The following ZDHHC7 variants were observed in gnomAD, a reference collection of about 807,000 sequenced individuals.
ZDHHC7 encodes zDHHC palmitoyltransferase 7, also known as palmitoyltransferase ZDHHC7.
ZDHHC7 carries 12 observed loss-of-function variants against 34.1 expected under a neutral mutation model. The observed-to-expected ratio is 0.35, with a 90% confidence interval of 0.23 to 0.57. ZDHHC7 has a LOEUF of 0.57. Among genes scored for constraint, ZDHHC7 ranks in the 20% least tolerant of loss-of-function variants. ZDHHC7 has a pLI of 0.84. For synonymous variants in ZDHHC7, 185 were observed against 155.4 expected (o/e 1.19, Z -1.42); for missense variants, 388 against 402.7 (o/e 0.96, Z 0.31).
At chr16:84,990,686 T>C in intron 2 of ZDHHC7, 51 bp from the exon 3 acceptor site, 1 of 1,472,438 alleles carries the variant, frequency 6.8e-7, no homozygotes. Flanking sequence ...GCTCACAAGC[T>C]ACCTTAAATA....
chr16:84,988,985 T>G, intron 3 of ZDHHC7: 1 of 1,106,876 alleles, frequency 9.0e-7, no homozygotes, highest in Non-Finnish European at 1.3e-6. Flanking sequence ...GGGTTTCTGC[T>G]GCAGCCAAGG....
At chr16:84,990,835 T>A (rs1164223646) in intron 2 of ZDHHC7, among the ~76,000 whole-genome samples, 200 bp from the exon 3 acceptor site, 4 of 150,026 alleles carry the variant, frequency 2.7e-5, no homozygotes, top group South Asian at 4.3e-4. Flanking sequence ...ACACAGTAAG[T>A]CCCACAGTAC....
intron 3 of ZDHHC7, 194 bp from the exon 4 acceptor site, chr16:84,982,188 AC>A (rs1335116670): frequency 1.9e-6 from 1 of 533,174 alleles, no homozygotes; most frequent in East Asian, 4.5e-5. Flanking sequence ...TACTAAAGAT[AC>A]AAAAAATTAG....
At chr16:84,979,413 T>C (rs528575328) in intron 4 of ZDHHC7, 128 bp from the exon 5 acceptor site, 3 of 1,315,930 alleles carry the variant, frequency 2.3e-6, no homozygotes, top group African/African-American at 1.5e-5. Context: ...AAAAATATCA[T>C]ACATTCTCAC....
At chr16:84,997,846 TGG>T (rs2072600781) in intron 1 of ZDHHC7, among the ~76,000 whole-genome samples, 1 of 125,062 alleles carries the variant, frequency 8.0e-6, no homozygotes, top group African/African-American at 3.1e-5. Flanking sequence ...TGGGCCGAGA[TGG>T]CGCCACTGCA....
intron 1 of ZDHHC7, among the ~76,000 whole-genome samples, chr16:84,998,065 C>CCTAG: frequency 6.7e-6 from 1 of 149,800 alleles, no homozygotes; most frequent in East Asian, 2.0e-4. Context: ...TCGAGACCAA[C>CCTAG]CTAGCTACTA....
chr16:84,990,736 A>G (rs1436335251), intron 2 of ZDHHC7, 101 bp from the exon 3 acceptor site: 3 of 911,394 alleles, frequency 3.3e-6, no homozygotes, highest in Non-Finnish European at 4.9e-6. Context: ...TCATGAAGTT[A>G]GTCTAAATAC....
rs1240801278 is a variant in ZDHHC7, at chr16:84,977,775, A to G, written c.619+149T>C. On this transcript the variant is annotated intron_variant, in intron 6 of 7. Coordinates refer to ENST00000313732, the MANE Select transcript of ZDHHC7 (RefSeq NM_017740.3). ...TATACTAGTAAAATGGTGGTGTTAA[A>G]ACTTAACTAAATTCTTTAAAATTCA... 7.8e-5 allele frequency: 53 copies of G among 676,874 alleles called. 1 individual carries two copies. Among genetic ancestry groups the G allele is most frequent in the South Asian group, 1.9e-4 (10 of 52,436 alleles). 41.9% of individuals were successfully genotyped at this position (676,874 alleles called of 1,614,324 possible).
chr16:85,000,596 C>T (rs1229603526), intron 1 of ZDHHC7, among the ~76,000 whole-genome samples: 1 of 152,168 alleles, frequency 6.6e-6, no homozygotes, highest in Non-Finnish European at 1.5e-5. Flanking sequence ...TTAAACTTGT[C>T]GTTGCTTTAC....
At chr16:84,988,089 G>T (rs2072460477) in intron 3 of ZDHHC7, among the ~76,000 whole-genome samples, 1 of 152,186 alleles carries the variant, frequency 6.6e-6, no homozygotes. Context: ...AGAATGGCAT[G>T]AACCCCTGGG....
At chr16:84,989,899 T>A (rs2072485796) in intron 3 of ZDHHC7, among the ~76,000 whole-genome samples, 1 of 152,188 alleles carries the variant, frequency 6.6e-6, no homozygotes, top group African/African-American at 2.4e-5. Flanking sequence ...TGACTTTGCA[T>A]GCCTGCAGCT....
At chr16:84,990,051 A>C (rs2072487812) in intron 3 of ZDHHC7, among the ~76,000 whole-genome samples, 1 of 152,164 alleles carries the variant, frequency 6.6e-6, no homozygotes, top group African/African-American at 2.4e-5. Context: ...GAACAGCCTG[A>C]AAGCCCAGCT....
upstream of ZDHHC7, among the ~76,000 whole-genome samples, chr16:85,011,878 A>C (rs1475480732): frequency 6.6e-6 from 1 of 152,086 alleles, no homozygotes; most frequent in Non-Finnish European, 1.5e-5. Flanking sequence ...CGGGGATGTG[A>C]CCGAAGGAAA....
Position 84,974,311 on chromosome 16 carries a change from C to G in ZDHHC7, c.*2032G>C, listed in dbSNP as rs1180256429. On this transcript the variant is annotated 3_prime_UTR_variant, in exon 8 of 8. Transcript: ENST00000313732. ...CATTTGTGAGTCGCGCTTGAGTGCC[C>G]AGGTCACTTGTCATGGGCACAAAAG... 1 of 152,182 alleles carries G rather than the reference C, an allele frequency of 6.6e-6. No individual in the cohort carries two copies. The highest frequency in any genetic ancestry group is 1.9e-4 in the East Asian group (1 of 5,196). The allele number at this position is 152,182 out of a possible 1,614,324, so 9.4% of individuals were successfully genotyped here. A position where few individuals can be genotyped will look rare whatever the true frequency, so the allele number is the denominator to read the frequency against.
At chr16:84,994,493 C>T (rs2072550842) in intron 2 of ZDHHC7, among the ~76,000 whole-genome samples, 1 of 152,236 alleles carries the variant, frequency 6.6e-6, no homozygotes. Context: ...AATGTTTGGG[C>T]AGTCTGAGCT....
the ZDHHC7 span, among the ~76,000 whole-genome samples, chr16:85,020,328 C>T: frequency 1.3e-5 from 2 of 152,190 alleles, no homozygotes; most frequent in African/African-American, 4.8e-5. Flanking sequence ...GTACCTGGTA[C>T]CATGCTAAGT....
chr16:84,995,675 G>C (rs1173624129), intron 2 of ZDHHC7, among the ~76,000 whole-genome samples: 5 of 152,066 alleles, frequency 3.3e-5, no homozygotes, highest in Non-Finnish European at 5.9e-5. Context: ...CAGGTGGAAA[G>C]CGGGGTATTC....
chr16:84,995,519 G>A (rs2072565057), intron 2 of ZDHHC7, among the ~76,000 whole-genome samples: 1 of 152,178 alleles, frequency 6.6e-6, no homozygotes, highest in Non-Finnish European at 1.5e-5. Flanking sequence ...CCAGCTACTA[G>A]GGAGGCTGAG....
chr16:84,988,495 CAAGCAAA>C (rs2072466309), intron 3 of ZDHHC7, among the ~76,000 whole-genome samples: 1 of 152,184 alleles, frequency 6.6e-6, no homozygotes, highest in South Asian at 2.1e-4. Context: ...AGTAATACAA[CAAGCAAA>C]AGAAATCTGC....
Sources: allele counts gnomAD v4.1 joint callset (sites outside exome capture counted in the v4.1 genomes callset), GRCh38; gene constraint gnomAD v4.1.1; transcripts MANE v1.5; gene names NCBI Gene and HGNC (gene_info 2026-07-23, HGNC 2026-07-21).